ALKBH6: variants seen among roughly 807,000 people sequenced by gnomAD.
The protein encoded by ALKBH6 is alkB homolog 6, nucleotide demethylase.
Under a neutral mutation model 25.1 loss-of-function variants are expected in ALKBH6, and 20 were observed. The ratio of observed to expected loss-of-function variants is 0.80; its 90% CI spans 0.56 to 1.16. The LOEUF is 1.16. Ranked by LOEUF, ALKBH6 falls within the 50% of genes most tolerant of loss-of-function variation. The pLI is 0.00. For synonymous variants in ALKBH6, 156 were observed against 147.5 expected (o/e 1.06, Z -0.42); for missense variants, 263 against 326.5 (o/e 0.81, Z 1.50).
At chr19:36,012,334 G>A (rs1189311650) in intron 3 of ALKBH6, 1 of 152,210 alleles carries the variant, frequency 6.6e-6, no homozygotes, top group East Asian at 1.9e-4. Context: ...ATCTAGAATG[G>A]GCTATCTCAG....
At chr19:36,012,823 CA>C in intron 3 of ALKBH6, 197 bp downstream of exon 3, 1 of 595,894 alleles carries the variant, frequency 1.7e-6, no homozygotes, top group Non-Finnish European at 3.0e-6. Flanking sequence ...TGGGCTATCT[CA>C]GCCTATGTTT....
Position 36,013,359 on chromosome 19 carries a change from C to A in ALKBH6, c.39G>T (p.Pro13=), listed in dbSNP as rs750462253. The change falls in exon 2 of 7, where the codon CCG becomes CCT. Residue 13 remains proline, a synonymous_variant. Transcript: ENST00000378875. The surrounding 1 kb of genome is among the most constrained non-coding windows in gnomAD (Gnocchi z 4.6). The stretch of plus-strand genomic sequence containing the variant: ...TTCTGACAACCTGCTCCACTCTGAA[C>A]GGTTCCAGGGCTGGGACTCTGGCGT... ...EQDARVPALE[P]FRVEQAPPVI... The A allele has an allele frequency of 1.2e-6, 2 of 1,613,888 alleles. No homozygotes were observed. Among genetic ancestry groups the A allele is most frequent in the Non-Finnish European group, 1.7e-6 (2 of 1,179,950 alleles).
At position 36,009,133 on chromosome 19, in the gene ALKBH6, G is replaced by C; in HGVS notation, c.*157C>G. On this transcript the variant is annotated 3_prime_UTR_variant, in exon 7 of 7. Coordinates refer to ENST00000378875, the MANE Select transcript of ALKBH6 (RefSeq NM_032878.5). Reference sequence around the variant, plus strand: ...TATAAAACCAAGGAAAGATTTTTTTGTTTATTTGGTATGGGGTCTTCTGTA... The same window carrying C: ...TATAAAACCAAGGAAAGATTTTTTTCTTTATTTGGTATGGGGTCTTCTGTA... The C allele has an allele frequency of 8.5e-7, 1 of 1,172,502 alleles. No individual in the cohort carries two copies. The highest frequency in any genetic ancestry group is 1.1e-6 in the Non-Finnish European group (1 of 933,774). 72.6% of individuals were successfully genotyped at this position (1,172,502 alleles called of 1,614,324 possible).
In ALKBH6 at chr19:36,010,636, G is replaced by A. The variant is rs781107871; in HGVS notation, c.384C>T (p.Ser128=). 3 of 1,614,026 alleles carry A rather than the reference G, an allele frequency of 1.9e-6. No homozygotes were observed. In the South Asian group the frequency reaches 3.3e-5, roughly 18 times the overall value. ...PLYYPTVSTI[S]LGSHTVLDFY... ...AGTCCAGCACGGTGTGGGAGCCCAG[G>A]CTGATGGTGCTGACAGTCGGGTAGT... is the stretch of plus-strand genomic sequence containing the variant. The change falls in exon 6 of 7, where the codon AGC becomes AGT. Residue 128 remains serine, a synonymous_variant. Coordinates refer to ENST00000378875, the MANE Select transcript of ALKBH6 (RefSeq NM_032878.5). This position sits in a 1 kb window ranked among gnomAD's most constrained non-coding sequence, Gnocchi z 5.5.
At chr19:36,014,148 C>T in intron 1 of ALKBH6, 27 bp downstream of exon 1, 1 of 1,611,584 alleles carries the variant, frequency 6.2e-7, no homozygotes, top group Non-Finnish European at 8.5e-7. Context: ...ACATCCATCT[C>T]TACCCCCAGC....
Position 36,010,748 on chromosome 19 carries a change from G to C in ALKBH6, c.337-65C>G, listed in dbSNP as rs569794992. ...ACAACCCCCACCCTCTGGGTCAAAG[G>C]GGGGCTTCCCAAGCCAGGGACAGGG... On this transcript the variant is annotated intron_variant, in intron 5 of 6. Transcript: ENST00000378875. The surrounding 1 kb of genome is among the most constrained non-coding windows in gnomAD (Gnocchi z 5.5). 35 of 1,577,608 alleles carry C rather than the reference G, an allele frequency of 2.2e-5. No homozygotes were observed. The highest frequency in any genetic ancestry group is 8.1e-5 in the African/African-American group (6 of 74,126).
chr19:36,012,949 C>T, intron 3 of ALKBH6, 72 bp downstream of exon 3: 1 of 1,468,530 alleles, frequency 6.8e-7, no homozygotes. Flanking sequence ...TGGGGGCTCT[C>T]ATACAGAGGA....
At position 36,013,718 on chromosome 19, in the gene ALKBH6, A is replaced by G; in HGVS notation, c.-25-296T>C. On this transcript the variant is annotated intron_variant, in intron 1 of 6. Coordinates refer to ENST00000378875, the MANE Select transcript of ALKBH6 (RefSeq NM_032878.5). This position sits in a 1 kb window ranked among gnomAD's most constrained non-coding sequence, Gnocchi z 4.6. ...GAGAACATTCTCTGGCCCCACACAC[A>G]GGGAGCCTTTCTCAAAAGCTCTACA... The G allele has an allele frequency of 1.6e-6, 2 of 1,226,496 alleles. No homozygotes were observed. Among genetic ancestry groups the G allele is most frequent in the South Asian group, 2.3e-5 (1 of 43,736 alleles). The allele number at this position is 1,226,496 out of a possible 1,614,324, so 76.0% of individuals were successfully genotyped here.
In ALKBH6 at chr19:36,010,286, G is replaced by T; in HGVS notation, c.453+281C>A. 2.5e-6 allele frequency: 1 copy of T among 406,758 alleles called. No individual in the cohort carries two copies. Among genetic ancestry groups the T allele is most frequent in the Non-Finnish European group, 4.5e-6 (1 of 223,332 alleles). 25.2% of individuals were successfully genotyped at this position (406,758 alleles called of 1,614,324 possible). A position where few individuals can be genotyped will look rare whatever the true frequency, so the allele number is the denominator to read the frequency against. On this transcript the variant is annotated intron_variant, in intron 6 of 6. Transcript: ENST00000378875. This position sits in a 1 kb window ranked among gnomAD's most constrained non-coding sequence, Gnocchi z 5.5. The stretch of plus-strand genomic sequence containing the variant: ...TGAGGCCCCCCGAGTTAATGGCGGT[G>T]GGGTATCTAAGGATATCAGTGTCTG...
chr19:36,009,608 G>GGGGGGGGGGGGGGGGGGGC, intron 6 of ALKBH6, 55 bp from the exon 7 acceptor site: 1 of 336,932 alleles, frequency 3.0e-6, no homozygotes, highest in Non-Finnish European at 4.5e-6. Flanking sequence ...GTGGGGGTGG[G>GGGGGGGGGGGGGGGGGGGC]CGAGAGGTCG....
intron 3 of ALKBH6, 43 bp from the exon 4 acceptor site, chr19:36,011,507 C>G (rs1278637244): frequency 6.3e-7 from 1 of 1,597,526 alleles, no homozygotes; most frequent in East Asian, 2.2e-5. Flanking sequence ...AGGATCACCC[C>G]TCTATGATCC....
In ALKBH6 at chr19:36,014,188, C is replaced by T. The variant is rs777790588; in HGVS notation, c.-39G>A. 5.0e-6 allele frequency: 8 copies of T among 1,612,478 alleles called. No homozygotes were observed. The South Asian group carries it at 7.7e-5, about 16-fold the overall frequency. Reference sequence around the variant, plus strand: ...CCCAAAACTGACCGTCCACCAGCGTCCCCTCCAATTTCCAAATTCAACATC... The same window carrying T: ...CCCAAAACTGACCGTCCACCAGCGTTCCCTCCAATTTCCAAATTCAACATC... On this transcript the variant is annotated 5_prime_UTR_variant, in exon 1 of 7. Coordinates refer to ENST00000378875, the MANE Select transcript of ALKBH6 (RefSeq NM_032878.5).
chr19:36,009,788 G>A (rs1968540330), intron 6 of ALKBH6, among the ~76,000 whole-genome samples: 1 of 152,044 alleles, frequency 6.6e-6, no homozygotes. Context: ...GCAGGATCTA[G>A]GTGGCAGATG....
rs1968564609 is a variant in ALKBH6, at chr19:36,010,402, T to C, written c.453+165A>G. Reference sequence around the variant, plus strand: ...GTGGGACAGACACCCTGTAAGCAGATGGGTTGGGTGTCTGGGAGGAAGTGG... The same window carrying C: ...GTGGGACAGACACCCTGTAAGCAGACGGGTTGGGTGTCTGGGAGGAAGTGG... On this transcript the variant is annotated intron_variant, in intron 6 of 6. Transcript: ENST00000378875. The surrounding 1 kb of genome is among the most constrained non-coding windows in gnomAD (Gnocchi z 5.5). 4.5e-6 allele frequency: 3 copies of C among 670,750 alleles called. No individual in the cohort carries two copies. Among genetic ancestry groups the C allele is most frequent in the African/African-American group, 1.8e-5 (1 of 55,828 alleles). 41.5% of individuals were successfully genotyped at this position (670,750 alleles called of 1,614,324 possible).
intron 3 of ALKBH6, chr19:36,011,684 A>G: frequency 1.9e-6 from 1 of 529,590 alleles, no homozygotes; most frequent in Non-Finnish European, 3.4e-6. Flanking sequence ...AGGATTTAGG[A>G]ATCAGGGCTG....
chr19:36,009,608 G>GGGGGGGGGGGGGGGGC, intron 6 of ALKBH6, 55 bp from the exon 7 acceptor site: 1 of 336,932 alleles, frequency 3.0e-6, no homozygotes, highest in East Asian at 8.5e-5. Flanking sequence ...GTGGGGGTGG[G>GGGGGGGGGGGGGGGGC]CGAGAGGTCG....
At position 36,011,757 on chromosome 19, in the gene ALKBH6, G is replaced by T. The variant is rs539993698; in HGVS notation, c.124-293C>A. 87 of 299,780 alleles carry T rather than the reference G, an allele frequency of 2.9e-4. No individual in the cohort carries two copies. In the South Asian group the frequency reaches 5.2e-3, roughly 18 times the overall value. The allele number at this position is 299,780 out of a possible 1,614,324, so 18.6% of individuals were successfully genotyped here. A position where few individuals can be genotyped will look rare whatever the true frequency, so the allele number is the denominator to read the frequency against. On this transcript the variant is annotated intron_variant, in intron 3 of 6. Transcript: ENST00000378875. The stretch of plus-strand genomic sequence containing the variant: ...ACTCAGAGTTCTGGGGCTGGACAGG[G>T]CTCTTTCAGCCCAGCAAATAGTCTG...
Position 36,013,571 on chromosome 19 carries a change from A to C in ALKBH6, c.-25-149T>G, listed in dbSNP as rs1472841379. The C allele has an allele frequency of 4.1e-6, 6 of 1,445,974 alleles. No homozygotes were observed. The highest frequency in any genetic ancestry group is 5.4e-6 in the Non-Finnish European group (6 of 1,101,856). 89.6% of individuals were successfully genotyped at this position (1,445,974 alleles called of 1,614,324 possible). A position where few individuals can be genotyped will look rare whatever the true frequency, so the allele number is the denominator to read the frequency against. On this transcript the variant is annotated intron_variant, in intron 1 of 6. Transcript: ENST00000378875. This position sits in a 1 kb window ranked among gnomAD's most constrained non-coding sequence, Gnocchi z 4.6. ...AAAATCTGAGTCTTCAGCATCTTAC[A>C]AGCCACACAGAGAGCCCCTACGTTC...
In ALKBH6 at chr19:36,013,844, GC is replaced by G; in HGVS notation, c.-26+330del. 8.1e-7 allele frequency: 1 copy of G among 1,234,720 alleles called. No homozygotes were observed. The highest frequency in any genetic ancestry group is 4.2e-5 in the Admixed American group (1 of 23,550). 76.5% of individuals were successfully genotyped at this position (1,234,720 alleles called of 1,614,324 possible). A position where few individuals can be genotyped will look rare whatever the true frequency, so the allele number is the denominator to read the frequency against. On this transcript the variant is annotated intron_variant, in intron 1 of 6. Transcript: ENST00000378875. The surrounding 1 kb of genome is among the most constrained non-coding windows in gnomAD (Gnocchi z 4.6). Reference sequence around the variant, plus strand: ...CGGCTATCAACACTCAGCGACCCCCGCCCCCCACCGAATCCCATTCTGTGCA... The same window carrying G: ...CGGCTATCAACACTCAGCGACCCCCGCCCCCACCGAATCCCATTCTGTGCA...
Sources: gnomAD v4.1 joint callset for allele counts (sites outside exome capture counted in the v4.1 genomes callset) on GRCh38, gnomAD v4.1.1 for gene constraint, Gnocchi (gnomAD v3.1) non-coding constraint, MANE v1.5 for transcripts, NCBI Gene and HGNC (gene_info 2026-07-23, HGNC 2026-07-21) for gene names.